The following PON1 variants were observed in gnomAD, a reference collection of about 807,000 sequenced individuals.
PON1 encodes the protein serum paraoxonase/arylesterase 1.
In PON1, 37 loss-of-function variants were observed where a neutral mutation model predicts 39.2. The observed-to-expected ratio is 0.94, with a 90% confidence interval of 0.73 to 1.24. The LOEUF (loss-of-function observed/expected upper bound fraction) is 1.24, where lower values mean the gene tolerates loss of function less well. Ranked by LOEUF, PON1 falls within the 50% of genes most tolerant of loss-of-function variation. The probability of loss-of-function intolerance (pLI) is 0.00; values close to 1 mark genes in which losing one functional copy is unlikely to be tolerated. For missense variants in PON1, 397 were observed against 413.5 expected (o/e 0.96, Z 0.35); for synonymous variants, 148 against 152.2 (o/e 0.97, Z 0.21).
chr7:95,306,432 T>A, intron 6 of PON1, 66 bp from the exon 7 acceptor site: 1 of 1,116,810 alleles, frequency 9.0e-7, no homozygotes, highest in Admixed American at 1.7e-5. Flanking sequence ...TAAGATGAAG[T>A]TGTAATACCT....
intron 5 of PON1, among the ~76,000 whole-genome samples, chr7:95,309,253 G>C (rs1389782962): frequency 6.6e-6 from 1 of 151,018 alleles, no homozygotes; most frequent in African/African-American, 2.4e-5. Context: ...CCTGTTGTGT[G>C]CTTTGCAGGG....
At chr7:95,321,858 C>A (rs1456031654) in intron 1 of PON1, among the ~76,000 whole-genome samples, 1 of 152,146 alleles carries the variant, frequency 6.6e-6, no homozygotes, top group Non-Finnish European at 1.5e-5. Context: ...CCTCAGGAAC[C>A]TTCACATATA....
At chr7:95,319,925 TTC>T (rs1324132559) in intron 1 of PON1, among the ~76,000 whole-genome samples, 1 of 152,224 alleles carries the variant, frequency 6.6e-6, no homozygotes, top group East Asian at 1.9e-4. Flanking sequence ...TTCTGTTCAA[TTC>T]TGTTTTATTT....
chr7:95,307,468 C>T (rs941297285), intron 6 of PON1, among the ~76,000 whole-genome samples: 9 of 152,132 alleles, frequency 5.9e-5, no homozygotes, highest in African/African-American at 1.7e-4. Flanking sequence ...ACCAATGCTA[C>T]CCAAAATGCA....
chr7:95,323,525 G>A (rs140292042), intron 1 of PON1, among the ~76,000 whole-genome samples: 38 of 152,056 alleles, frequency 2.5e-4, no homozygotes, highest in African/African-American at 8.7e-4. Context: ...ATTTTTATTA[G>A]GTTTTACTTT....
In PON1 at chr7:95,298,002, A is replaced by C. The variant is rs1395446898; in HGVS notation, c.*942T>G. 1 of 151,642 alleles carries C rather than the reference A, an allele frequency of 6.6e-6. No homozygotes were observed. The highest frequency in any genetic ancestry group is 2.4e-5 in the African/African-American group (1 of 41,192). 9.4% of individuals were successfully genotyped at this position (151,642 alleles called of 1,614,324 possible). A position where few individuals can be genotyped will look rare whatever the true frequency, so the allele number is the denominator to read the frequency against. The stretch of plus-strand genomic sequence containing the variant: ...CAGTAGATAGCCAAAGGGGTTGTTG[A>C]TCTTTTCTATTTATTTGTTTGTTTA... On this transcript the variant is annotated 3_prime_UTR_variant, in exon 9 of 9. Coordinates refer to ENST00000222381, the MANE Select transcript of PON1 (RefSeq NM_000446.7).
chr7:95,318,911 G>C (rs1215561714), intron 1 of PON1, among the ~76,000 whole-genome samples: 2 of 152,114 alleles, frequency 1.3e-5, no homozygotes, highest in East Asian at 3.9e-4. Flanking sequence ...ATGTAAAAAG[G>C]CATTTCACAC....
chr7:95,319,685 G>T (rs1220382868), intron 1 of PON1, among the ~76,000 whole-genome samples: 1 of 152,146 alleles, frequency 6.6e-6, no homozygotes, highest in East Asian at 1.9e-4. Flanking sequence ...AAAGGGAAAG[G>T]TATTTTCAAA....
At chr7:95,307,069 TTTTTA>T (rs1197980898) in intron 6 of PON1, among the ~76,000 whole-genome samples, 26 of 119,346 alleles carry the variant, frequency 2.2e-4, no homozygotes, top group East Asian at 9.9e-4. Flanking sequence ...CTTTTTTTTT[TTTTTA>T]AAAAAAAACA....
intron 2 of PON1, among the ~76,000 whole-genome samples, chr7:95,317,250 A>G (rs1413599272): frequency 1.3e-5 from 2 of 152,208 alleles, no homozygotes; most frequent in Admixed American, 1.3e-4. Flanking sequence ...AAATGGGGAT[A>G]CATTTTAGGT....
chr7:95,310,982 T>C (rs1807640516), intron 5 of PON1, among the ~76,000 whole-genome samples: 1 of 152,178 alleles, frequency 6.6e-6, no homozygotes, highest in African/African-American at 2.4e-5. Flanking sequence ...GCATAAATTT[T>C]GTGCAATCAA....
intron 4 of PON1, among the ~76,000 whole-genome samples, chr7:95,314,189 G>A (rs184800928): frequency 2.1e-4 from 32 of 152,024 alleles, no homozygotes; most frequent in Non-Finnish European, 3.5e-4. Context: ...TGAAACCCCC[G>A]TCTCTACTAA....
rs1408257347 is a variant in PON1 at position 95,306,383 on chromosome 7, GC to G, written c.699-18del. 7.8e-6 allele frequency: 12 copies of G among 1,536,644 alleles called. No homozygotes were observed. The highest frequency in any genetic ancestry group is 1.1e-5 in the Non-Finnish European group (12 of 1,110,662). Reference sequence around the variant, plus strand: ...TAGACATACCTTCAAAGAAGAAAGAGCTACATCAAAGTACTAGAAGTAACAC... The same window carrying G: ...TAGACATACCTTCAAAGAAGAAAGAGTACATCAAAGTACTAGAAGTAACAC... On this transcript the variant is annotated intron_variant, in intron 6 of 8. Transcript: ENST00000222381.
chr7:95,320,953 T>A (rs1000459805), intron 1 of PON1, among the ~76,000 whole-genome samples: 1 of 152,138 alleles, frequency 6.6e-6, no homozygotes, highest in African/African-American at 2.4e-5. Flanking sequence ...AAGCAACTGA[T>A]AAAGAAAAAA....
At chr7:95,300,136 A>G (rs891169314) in intron 8 of PON1, among the ~76,000 whole-genome samples, 4 of 152,232 alleles carry the variant, frequency 2.6e-5, no homozygotes, top group African/African-American at 9.6e-5. Context: ...ATAACAGTGT[A>G]GTATCATGTT....
In PON1 at chr7:95,316,484, CA is replaced by C. The variant is rs572266211; in HGVS notation, c.201+249del. Among the ~76,000 whole-genome samples the C allele has an allele frequency of 3.2e-3, 493 of 152,168 alleles. 4 individuals are homozygous for C. The highest frequency in any genetic ancestry group is 0.019 in the South Asian group (91 of 4,816). ...ACAATTCTTGAATACACTGAACTCA[CA>C]AAAAAATTGCTGCAATAGAAGCTAA... is the stretch of plus-strand genomic sequence containing the variant. On this transcript the variant is annotated intron_variant, in intron 3 of 8. Transcript: ENST00000222381.
chr7:95,308,484 G>A (rs906800985), intron 5 of PON1, among the ~76,000 whole-genome samples: 3 of 140,050 alleles, frequency 2.1e-5, no homozygotes, highest in African/African-American at 6.3e-5. Context: ...TCGTGTGTGT[G>A]TGTGTGTGTG....
At chr7:95,316,623 T>A in intron 3 of PON1, 111 bp downstream of exon 3, 2 of 902,654 alleles carry the variant, frequency 2.2e-6, no homozygotes, top group Non-Finnish European at 3.8e-6. Context: ...ACCATGACTG[T>A]TCATTTTATT....
chr7:95,311,615 A>G, intron 4 of PON1, 38 bp from the exon 5 acceptor site: 1 of 1,612,972 alleles, frequency 6.2e-7, no homozygotes, highest in Non-Finnish European at 8.5e-7. Flanking sequence ...AACATTAACT[A>G]AGCTCTCACT....
Sources: allele counts gnomAD v4.1 joint callset (sites outside exome capture counted in the v4.1 genomes callset), GRCh38; gene constraint gnomAD v4.1.1; transcripts MANE v1.5; gene names NCBI Gene and HGNC (gene_info 2026-07-23, HGNC 2026-07-21).